Variants in CD163L1 observed in about 807,000 individuals in gnomAD.
CD163L1 encodes the protein CD163 molecule like 1.
CD163L1 carries 124 observed loss-of-function variants against 165.4 expected under a neutral mutation model. That is an observed-to-expected ratio of 0.75 (90% CI 0.65 to 0.87). CD163L1 has a LOEUF of 0.87. Among genes scored for constraint, CD163L1 ranks in the 40% least tolerant of loss-of-function variants. CD163L1 has a pLI of 0.00. For synonymous variants in CD163L1, 585 were observed against 662.2 expected (o/e 0.88, Z 1.79); for missense variants, 1,525 against 1,799.9 (o/e 0.85, Z 2.76).
the CD163L1 span, among the ~76,000 whole-genome samples, chr12:7,336,781 G>A: frequency 6.6e-6 from 1 of 152,022 alleles, no homozygotes; most frequent in Non-Finnish European, 1.5e-5. Context: ...TTCCCATCAA[G>A]CTACTATTGA....
chr12:7,342,706 T>C (rs780942985), downstream of CD163L1, among the ~76,000 whole-genome samples: 1 of 152,314 alleles, frequency 6.6e-6, no homozygotes, highest in East Asian at 1.9e-4. Context: ...CGATCACGGC[T>C]CACTGCAGCC....
intron 1 of CD163L1, among the ~76,000 whole-genome samples, chr12:7,442,327 C>T (rs1316360533): frequency 3.9e-5 from 6 of 152,140 alleles, no homozygotes; most frequent in East Asian, 1.9e-4. Context: ...CAGTACCCAT[C>T]GGGGAAAGGC....
intron 9 of CD163L1, among the ~76,000 whole-genome samples, chr12:7,377,036 C>G (rs953596852): frequency 6.6e-6 from 1 of 152,190 alleles, no homozygotes; most frequent in Non-Finnish European, 1.5e-5. Flanking sequence ...CCCTGAGTGA[C>G]CTTCCCCTGC....
intron 8 of CD163L1, 123 bp from the exon 9 acceptor site, chr12:7,379,421 G>A: frequency 1.1e-6 from 1 of 871,434 alleles, no homozygotes; most frequent in South Asian, 2.3e-5. Flanking sequence ...TTAGGTCCCG[G>A]CTTCACCAGT....
rs148202450 is a variant in CD163L1, at chr12:7,442,429, A to G, written c.32-1183T>C. ...TTTTTCAAATGATGCTTTGAAACTA[A>G]AATGGATCCCGGGCACTTCTCTAAG... On this transcript the variant is annotated intron_variant, in intron 1 of 19. Coordinates refer to ENST00000313599, the MANE Select transcript of CD163L1 (RefSeq NM_174941.6). Among the ~76,000 whole-genome samples the G allele has an allele frequency of 5.5e-4, 84 of 152,352 alleles. 1 individual carries two copies. The highest frequency in any genetic ancestry group is 1.9e-3 in the African/African-American group (81 of 41,584).
At chr12:7,440,082 G>A (rs1485381097) in intron 2 of CD163L1, 15 of 1,006,398 alleles carry the variant, frequency 1.5e-5, no homozygotes, top group East Asian at 1.0e-4. Context: ...CCACATCAGC[G>A]GCGTAACGGA....
the CD163L1 span, among the ~76,000 whole-genome samples, chr12:7,330,160 G>T: frequency 3.2e-4 from 48 of 152,222 alleles, no homozygotes; most frequent in South Asian, 9.6e-3. Context: ...TAAAGCTATG[G>T]AAGGAAGGTC....
intron 8 of CD163L1, among the ~76,000 whole-genome samples, chr12:7,389,946 TTATATATATATATTTATATATATA>T (rs978943097): frequency 1.0e-4 from 13 of 126,836 alleles, no homozygotes; most frequent in African/African-American, 3.3e-4. Context: ...ATTAAACATT[TTATATATATATATTTATATATATA>T]TATATATATA....
chr12:7,407,967 A>G (rs1277571446), intron 4 of CD163L1, among the ~76,000 whole-genome samples: 5 of 152,062 alleles, frequency 3.3e-5, no homozygotes, highest in Admixed American at 6.6e-5. Flanking sequence ...AACTAAATGC[A>G]AAGTTTTAAT....
At chr12:7,412,390 A>C (rs1025945085) in intron 4 of CD163L1, among the ~76,000 whole-genome samples, 5 of 152,244 alleles carry the variant, frequency 3.3e-5, no homozygotes, top group Non-Finnish European at 5.9e-5. Context: ...CCAAAATTAC[A>C]TAAGCAATTA....
chr12:7,328,408 T>C, the CD163L1 span: 1 of 1,470,648 alleles, frequency 6.8e-7, no homozygotes, highest in Non-Finnish European at 9.2e-7. Context: ...AGCAGTAATA[T>C]GGTTGCTTTC....
rs144536315 is a variant in CD163L1, at chr12:7,411,925, C to T, written c.767-5073G>A. The stretch of plus-strand genomic sequence containing the variant: ...TTAATTACAAACAACTATTAGCATC[C>T]CAGTTCTGATGACACACAGTTCCCC... On this transcript the variant is annotated intron_variant, in intron 4 of 19. Coordinates refer to ENST00000313599, the MANE Select transcript of CD163L1 (RefSeq NM_174941.6). Among the ~76,000 whole-genome samples the T allele has an allele frequency of 3.6e-3, 547 of 152,242 alleles. 1 individual carries two copies. The highest frequency in any genetic ancestry group is 0.012 in the African/African-American group (508 of 41,524).
At chr12:7,359,899 A>G (rs1031205609) in intron 18 of CD163L1, among the ~76,000 whole-genome samples, 2 of 152,146 alleles carry the variant, frequency 1.3e-5, no homozygotes, top group Admixed American at 6.6e-5. Context: ...TTGTTCCTCT[A>G]AACACAATGT....
chr12:7,337,694 T>C, the CD163L1 span, among the ~76,000 whole-genome samples: 2 of 152,132 alleles, frequency 1.3e-5, no homozygotes, highest in South Asian at 2.1e-4. Context: ...TGTGGAGAAA[T>C]AGGAACGCTT....
intron 18 of CD163L1, 65 bp downstream of exon 18, chr12:7,367,171 T>C (rs1947040281): frequency 4.3e-6 from 4 of 939,940 alleles, no homozygotes; most frequent in African/African-American, 1.6e-5. Flanking sequence ...AGTTCCTAAA[T>C]ATCAGCGGTA....
intron 5 of CD163L1, among the ~76,000 whole-genome samples, 176 bp from the exon 6 acceptor site, chr12:7,404,031 G>T (rs1565798564): frequency 6.6e-6 from 1 of 151,598 alleles, no homozygotes; most frequent in African/African-American, 2.4e-5. Context: ...AAATTTTAAA[G>T]ATTTTAAAGA....
At chr12:7,336,737 C>T in the CD163L1 span, among the ~76,000 whole-genome samples, 232 of 151,956 alleles carry the variant, frequency 1.5e-3, 8 homozygotes, top group East Asian at 0.041. Flanking sequence ...GAATCAATAT[C>T]GTGAAAATGG....
chr12:7,420,713 T>A (rs1290379580), intron 4 of CD163L1, among the ~76,000 whole-genome samples: 1 of 151,838 alleles, frequency 6.6e-6, no homozygotes, highest in East Asian at 1.9e-4. Flanking sequence ...ATGGTTTCAA[T>A]GTGGTGAAAA....
At chr12:7,350,642 C>T (rs939480067), downstream of CD163L1, among the ~76,000 whole-genome samples, 13 of 152,224 alleles carry the variant, frequency 8.5e-5, no homozygotes, top group Admixed American at 6.5e-4. Flanking sequence ...TGGGAGATAA[C>T]AATCAGATGT....
Sources: allele counts gnomAD v4.1 joint callset (sites outside exome capture counted in the v4.1 genomes callset), GRCh38; gene constraint gnomAD v4.1.1; transcripts MANE v1.5; gene names NCBI Gene and HGNC (gene_info 2026-07-23, HGNC 2026-07-21).